Variants in RPS6KA2 observed in about 807,000 individuals in gnomAD.
RPS6KA2 encodes ribosomal protein S6 kinase A2.
In RPS6KA2, 42 loss-of-function variants were observed where a neutral mutation model predicts 91.8. The observed-to-expected ratio is 0.46, with a 90% CI of 0.36 to 0.59. RPS6KA2 has a LOEUF of 0.59. RPS6KA2 is among the 20% of genes least tolerant of loss of function. The pLI is 0.00. For missense variants in RPS6KA2, 798 were observed against 978.5 expected, an observed-to-expected ratio of 0.82 and a Z score of 2.46; for synonymous variants, 414 against 393.6, an observed-to-expected ratio of 1.05 and a Z score of -0.61.
intron 2 of RPS6KA2, among the ~76,000 whole-genome samples, chr6:166,803,207 T>C (rs1015643312): frequency 5.3e-5 from 8 of 152,198 alleles, no homozygotes; most frequent in Non-Finnish European, 1.2e-4. Context: ...CAATTAAAAC[T>C]TCCACTGGTA....
intron 2 of RPS6KA2, among the ~76,000 whole-genome samples, chr6:166,670,131 G>C (rs906985669): frequency 6.6e-6 from 1 of 152,288 alleles, no homozygotes; most frequent in African/African-American, 2.4e-5. Context: ...TACACTTCCA[G>C]TCACAGGAAA....
intron 1 of RPS6KA2, among the ~76,000 whole-genome samples, chr6:166,570,066 C>T (rs941770562): frequency 2.6e-5 from 4 of 152,184 alleles, no homozygotes; most frequent in African/African-American, 7.2e-5. Context: ...GCAAGTCACA[C>T]ATATAAATCC....
chr6:166,663,681 G>A (rs1396462381), intron 2 of RPS6KA2, among the ~76,000 whole-genome samples: 3 of 152,258 alleles, frequency 2.0e-5, no homozygotes, highest in South Asian at 2.1e-4. Flanking sequence ...GGAAGCTGCC[G>A]CCAGAGGCCC....
chr6:166,824,865 CTGTG>C lies in RPS6KA2; in HGVS notation c.123+33331_123+33334del, dbSNP rs777240123. Reference sequence around the variant, plus strand: ...TGCTTGTGTGTGTATCTATGTGTGTCTGTGTGTGTATGTCTGTATGTATGTCTGT... The same window carrying C: ...TGCTTGTGTGTGTATCTATGTGTGTCTGTGTATGTCTGTATGTATGTCTGT... On this transcript the variant is annotated intron_variant, in intron 2 of 21. Coordinates refer to the RPS6KA2 transcript ENST00000503859. Among the ~76,000 whole-genome samples the C allele has an allele frequency of 2.6e-5, 4 of 151,170 alleles. No individual in the cohort carries two copies. In the South Asian group the frequency reaches 8.4e-4, roughly 32 times the overall value.
intron 8 of RPS6KA2, among the ~76,000 whole-genome samples, chr6:166,491,564 C>G (rs62440470): frequency 6.6e-6 from 1 of 152,194 alleles, no homozygotes. Flanking sequence ...GCCCAAGGAT[C>G]AATCCTACTC....
At chr6:166,637,293 G>T (rs1226801217) in intron 2 of RPS6KA2, among the ~76,000 whole-genome samples, 1 of 152,248 alleles carries the variant, frequency 6.6e-6, no homozygotes, top group African/African-American at 2.4e-5. Flanking sequence ...GGGCCAAGGA[G>T]GGGCCATGCG....
intron 2 of RPS6KA2, among the ~76,000 whole-genome samples, chr6:166,781,702 C>G (rs1437834770): frequency 1.3e-5 from 2 of 152,146 alleles, no homozygotes; most frequent in African/African-American, 4.8e-5. Flanking sequence ...TTCCTGAGGA[C>G]AGATGATGGA....
At chr6:166,525,389 A>G (rs1245900576) in intron 3 of RPS6KA2, among the ~76,000 whole-genome samples, 1 of 152,130 alleles carries the variant, frequency 6.6e-6, no homozygotes, top group African/African-American at 2.4e-5. Context: ...TCAGAGGGAG[A>G]GGAGCAAGGT....
Position 166,639,868 on chromosome 6 carries a change from CTT to C in RPS6KA2, c.124-101086_124-101085del, listed in dbSNP as rs371580144. On this transcript the variant is annotated intron_variant, in intron 2 of 21. Coordinates refer to the RPS6KA2 transcript ENST00000503859. This position sits in a 1 kb window ranked among gnomAD's most constrained non-coding sequence, Gnocchi z 4.2. ...GTTTGCTCACTGTGCTGTATTAAAACTTTGGGTTCCCCTCTCTCTCCCACCAA... is the reference window on the plus strand; with the variant it reads ...GTTTGCTCACTGTGCTGTATTAAAACTGGGTTCCCCTCTCTCTCCCACCAA... Among the ~76,000 whole-genome samples, 14 of 152,222 alleles carry C rather than the reference CTT, an allele frequency of 9.2e-5. No homozygotes were observed. Among genetic ancestry groups the C allele is most frequent in the African/African-American group, 3.1e-4 (13 of 41,534 alleles).
At chr6:166,466,660 G>C (rs1780533898) in intron 11 of RPS6KA2, among the ~76,000 whole-genome samples, 1 of 152,220 alleles carries the variant, frequency 6.6e-6, no homozygotes, top group South Asian at 2.1e-4. Context: ...GGAAATGGAG[G>C]GGGCAAGTCT....
At chr6:166,697,782 G>T (rs972338799) in intron 2 of RPS6KA2, among the ~76,000 whole-genome samples, 2 of 152,160 alleles carry the variant, frequency 1.3e-5, no homozygotes, top group Non-Finnish European at 2.9e-5. Context: ...AACTGAAACA[G>T]ACATGGAAAC....
Position 166,666,571 on chromosome 6 carries a change from C to A in RPS6KA2, c.124-127787G>T, listed in dbSNP as rs962023293. On this transcript the variant is annotated intron_variant, in intron 2 of 21. Transcript: ENST00000503859. The surrounding 1 kb of genome is among the most constrained non-coding windows in gnomAD (Gnocchi z 4.0). ...AAGCAAATCAACACCCGATAAGATA[C>A]CCCCTCTCACCTGTTGGGATAGCTA... Among the ~76,000 whole-genome samples, 2 of 152,190 alleles carry A rather than the reference C, an allele frequency of 1.3e-5. No individual in the cohort carries two copies. The highest frequency in any genetic ancestry group is 3.8e-4 in the East Asian group (2 of 5,200).
chr6:166,596,904 G>A (rs543354484), intron 1 of RPS6KA2, among the ~76,000 whole-genome samples: 64 of 152,272 alleles, frequency 4.2e-4, no homozygotes, highest in East Asian at 3.1e-3. Flanking sequence ...CTGTCCCACC[G>A]TGGATGGACA....
At chr6:166,698,370 C>T (rs939458930) in intron 2 of RPS6KA2, among the ~76,000 whole-genome samples, 1 of 152,086 alleles carries the variant, frequency 6.6e-6, no homozygotes, top group Admixed American at 6.5e-5. Context: ...GCAAGGTCAA[C>T]CTCTGGAGAG....
intron 1 of RPS6KA2, among the ~76,000 whole-genome samples, chr6:166,858,746 C>T (rs1780974347): frequency 6.6e-6 from 1 of 152,184 alleles, no homozygotes; most frequent in Admixed American, 6.5e-5. Context: ...AGGCCCAGCC[C>T]ATAAAACGTA....
chr6:166,723,303 A>G (rs1790232894), intron 2 of RPS6KA2, among the ~76,000 whole-genome samples: 1 of 152,260 alleles, frequency 6.6e-6, no homozygotes, highest in African/African-American at 2.4e-5. Context: ...GCAGTGAAGA[A>G]GGTGGCCTAG....
chr6:166,413,806 C>T lies in RPS6KA2; in HGVS notation c.2064G>A (p.Val688=). ...LSPNQLSRQD[V]HLVKGAMAAT... ...CGCCTGCCGGTACCTTCACCAGGTG[C>T]ACGTCCTGTCGGCTGAGCTGGTTTG... is the stretch of plus-strand genomic sequence containing the variant. Residue 688 remains valine (V), a synonymous_variant, in exon 20 of 21, where the codon GTG becomes GTA. Transcript: ENST00000265678. The T allele has an allele frequency of 1.2e-6, 2 of 1,614,142 alleles. No individual in the cohort carries two copies. The highest frequency in any genetic ancestry group is 1.7e-5 in the Admixed American group (1 of 60,022).
At chr6:166,755,094 A>G (rs1054709342) in intron 2 of RPS6KA2, among the ~76,000 whole-genome samples, 1 of 152,204 alleles carries the variant, frequency 6.6e-6, no homozygotes, top group Non-Finnish European at 1.5e-5. Context: ...ACCCAGGGCC[A>G]CTGAATTCCA....
chr6:166,423,162 G>T lies in RPS6KA2; in HGVS notation c.1743+94C>A. On this transcript the variant is annotated intron_variant, in intron 17 of 20. Transcript: ENST00000265678. The surrounding 1 kb of genome is among the most constrained non-coding windows in gnomAD (Gnocchi z 4.8). ...TGCTGACGCAGCTCAAGCCGCCTCT[G>T]ACATCCCCGCTGTCCGGTGGCTCTG... The T allele has an allele frequency of 1.5e-6, 2 of 1,354,960 alleles. No homozygotes were observed. Among genetic ancestry groups the T allele is most frequent in the South Asian group, 1.4e-5 (1 of 70,818 alleles). 83.9% of individuals were successfully genotyped at this position (1,354,960 alleles called of 1,614,324 possible).
Sources: gnomAD v4.1 joint callset for allele counts (sites outside exome capture counted in the v4.1 genomes callset) on GRCh38, gnomAD v4.1.1 for gene constraint, Gnocchi (gnomAD v3.1) non-coding constraint, MANE v1.5 for transcripts, NCBI Gene and HGNC (gene_info 2026-07-23, HGNC 2026-07-21) for gene names.